The following ZFP1 variants were observed in gnomAD, a reference collection of about 807,000 sequenced individuals.
ZFP1 encodes ZFP1 zinc finger protein.
In ZFP1, 32 loss-of-function variants were observed where a neutral mutation model predicts 38.5. That is an observed-to-expected ratio of 0.83 (90% CI 0.63 to 1.12). The LOEUF (loss-of-function observed/expected upper bound fraction) is 1.12, where lower values mean the gene tolerates loss of function less well. ZFP1 is among the 50% of genes most tolerant of loss of function. The probability of loss-of-function intolerance (pLI) is 0.00; values close to 1 mark genes in which losing one functional copy is unlikely to be tolerated. For synonymous variants in ZFP1, 245 were observed against 168.8 expected, an observed-to-expected ratio of 1.45 and a Z score of -3.50; for missense variants, 616 against 480.8, an observed-to-expected ratio of 1.28 and a Z score of -2.63.
Position 75,170,777 on chromosome 16 carries a change from G to C in ZFP1, c.*443G>C, listed in dbSNP as rs1199136841. ...CTCTGTGATAATTAGGACATAACAA[G>C]ATTTTCCATACTAAACATCACATGT... On this transcript the variant is annotated 3_prime_UTR_variant, in exon 4 of 4. Transcript: ENST00000570010. 4 of 156,166 alleles carry C rather than the reference G, an allele frequency of 2.6e-5. No individual in the cohort carries two copies. The highest frequency in any genetic ancestry group is 5.7e-5 in the Non-Finnish European group (4 of 70,672). 9.7% of individuals were successfully genotyped at this position (156,166 alleles called of 1,614,324 possible).
the ZFP1 span, among the ~76,000 whole-genome samples, chr16:75,133,023 G>T: frequency 6.6e-6 from 1 of 151,246 alleles, no homozygotes; most frequent in African/African-American, 2.4e-5. Context: ...TGTCACCCAG[G>T]CTGGAGTGCA....
rs78679263 is a variant in ZFP1 at position 75,162,603 on chromosome 16, G to C, written c.16-4167G>C. On this transcript the variant is annotated intron_variant, in intron 2 of 3. Coordinates refer to ENST00000570010, the MANE Select transcript of ZFP1 (RefSeq NM_153688.4). ...TATTTTTATGATGGTGACGTTTGGG[G>C]TATGATTGATCATGTCACCAAGTAG... is the stretch of plus-strand genomic sequence containing the variant. Among the ~76,000 whole-genome samples the C allele has an allele frequency of 8.0e-4, 122 of 152,216 alleles. 1 individual carries two copies. The highest frequency in any genetic ancestry group is 2.9e-3 in the African/African-American group (119 of 41,518).
At chr16:75,146,467 G>C (rs1048128330), upstream of ZFP1, among the ~76,000 whole-genome samples, 1 of 151,038 alleles carries the variant, frequency 6.6e-6, no homozygotes, top group South Asian at 2.2e-4. Flanking sequence ...GCACCCGGCC[G>C]CAACCATACG....
the ZFP1 span, among the ~76,000 whole-genome samples, chr16:75,135,682 G>T: frequency 2.0e-5 from 3 of 152,156 alleles, no homozygotes; most frequent in South Asian, 2.1e-4. Flanking sequence ...GGATGTTGAG[G>T]GTGGTGAAAC....
chr16:75,154,807 A>AT (rs1567526089), intron 2 of ZFP1, among the ~76,000 whole-genome samples: 6 of 151,208 alleles, frequency 4.0e-5, no homozygotes, highest in Middle Eastern at 3.4e-3. Context: ...TTTAATTTTT[A>AT]TTTTTTTTGA....
the ZFP1 span, among the ~76,000 whole-genome samples, chr16:75,132,940 T>C: frequency 6.6e-6 from 1 of 151,240 alleles, no homozygotes; most frequent in East Asian, 1.9e-4. Flanking sequence ...ATTACAGGCA[T>C]GAGCCACCAC....
chr16:75,130,701 G>C, the ZFP1 span, among the ~76,000 whole-genome samples: 36 of 152,104 alleles, frequency 2.4e-4, no homozygotes, highest in Non-Finnish European at 5.1e-4. Context: ...CCTGAGGGTG[G>C]CCTGACTTTC....
intron 2 of ZFP1, among the ~76,000 whole-genome samples, chr16:75,165,247 C>G (rs866073677): frequency 3.3e-5 from 5 of 152,162 alleles, no homozygotes; most frequent in African/African-American, 9.7e-5. Context: ...TAGTTAGTTA[C>G]TTACTTGACC....
chr16:75,150,519 C>G (rs1465037815), intron 1 of ZFP1, among the ~76,000 whole-genome samples: 1 of 152,080 alleles, frequency 6.6e-6, no homozygotes, highest in South Asian at 2.1e-4. Flanking sequence ...GCACCCGGCC[C>G]AGATCTTTTT....
chr16:75,154,104 G>T (rs2037349279), intron 2 of ZFP1, among the ~76,000 whole-genome samples: 2 of 152,116 alleles, frequency 1.3e-5, no homozygotes. Context: ...GGCGCCTGTA[G>T]TCCCAGCTAC....
the ZFP1 span, among the ~76,000 whole-genome samples, chr16:75,129,215 C>A: frequency 2.6e-5 from 4 of 152,196 alleles, no homozygotes; most frequent in Non-Finnish European, 4.4e-5. Flanking sequence ...CTTCAGAGGA[C>A]GTGAGACTTC....
intron 2 of ZFP1, among the ~76,000 whole-genome samples, chr16:75,159,524 C>T (rs1298069994): frequency 4.6e-5 from 7 of 151,374 alleles, no homozygotes; most frequent in Non-Finnish European, 1.0e-4. Context: ...CCTCCCACCC[C>T]AGCCTCTTGT....
At chr16:75,146,771 T>G (rs1420618207), upstream of ZFP1, among the ~76,000 whole-genome samples, 1 of 151,828 alleles carries the variant, frequency 6.6e-6, no homozygotes, top group African/African-American at 2.4e-5. Context: ...AAATGCCATC[T>G]CTACAAAAAA....
chr16:75,162,192 A>T (rs903017654), intron 2 of ZFP1, among the ~76,000 whole-genome samples: 2 of 151,420 alleles, frequency 1.3e-5, no homozygotes, highest in African/African-American at 2.4e-5. Flanking sequence ...GTGCAATCTC[A>T]GCTCACTGCA....
chr16:75,153,037 G>T, intron 2 of ZFP1, 71 bp downstream of exon 2: 1 of 1,579,572 alleles, frequency 6.3e-7, no homozygotes, highest in Non-Finnish European at 8.6e-7. Context: ...TCCAGAAAAT[G>T]AAATAGAAAA....
Position 75,169,964 on chromosome 16 carries a change from C to T in ZFP1, c.854C>T (p.Thr285Ile). The change falls in exon 4 of 4, where the codon ACA (threonine) becomes ATA (isoleucine). Residue 285 changes from threonine to isoleucine, a missense_variant. By Grantham distance (89) the Thr-to-Ile change is moderately conservative. Transcript: ENST00000570010. ...KTFAQKFELTTHQRIHTGERP... is the reference protein window; with the variant it reads ...KTFAQKFELTIHQRIHTGERP... ...TTTGCCCAAAAGTTTGAACTCACCA[C>T]ACACCAGAGAATTCATACAGGAGAG... 6.2e-7 allele frequency: 1 copy of T among 1,614,132 alleles called. No individual in the cohort carries two copies. The highest frequency in any genetic ancestry group is 8.5e-7 in the Non-Finnish European group (1 of 1,180,020).
At chr16:75,168,634 C>A (rs868612868) in intron 3 of ZFP1, among the ~76,000 whole-genome samples, 1 of 152,054 alleles carries the variant, frequency 6.6e-6, no homozygotes, top group Admixed American at 6.5e-5. Flanking sequence ...CTGGATTTTA[C>A]CATTTGCAAG....
At chr16:75,164,387 C>T (rs542524947) in intron 2 of ZFP1, among the ~76,000 whole-genome samples, 5 of 152,300 alleles carry the variant, frequency 3.3e-5, no homozygotes, top group Non-Finnish European at 5.9e-5. Context: ...AATTTTTCTT[C>T]CAAACATGGT....
chr16:75,169,817 G>C lies in ZFP1; in HGVS notation c.707G>C (p.Gly236Ala), dbSNP rs768849429. Residue 236 changes from glycine (G) to alanine (A), a missense_variant, in exon 4 of 4, where the codon GGG becomes GCG. Gly to Ala is a moderately conservative substitution (Grantham distance 60). Coordinates refer to ENST00000570010, the MANE Select transcript of ZFP1 (RefSeq NM_153688.4). The part of the protein sequence containing the change: ...NLIKHQRIHT[G>A]EKPFECPECG... ...ATCAAACATCAGAGAATTCACACTG[G>C]GGAGAAACCTTTCGAGTGTCCGGAA... 6.2e-7 allele frequency: 1 copy of C among 1,614,034 alleles called. No individual in the cohort carries two copies. Among genetic ancestry groups the C allele is most frequent in the Non-Finnish European group, 8.5e-7 (1 of 1,179,990 alleles).
Sources: allele counts gnomAD v4.1 joint callset (sites outside exome capture counted in the v4.1 genomes callset), GRCh38; gene constraint gnomAD v4.1.1; transcripts MANE v1.5; gene names NCBI Gene and HGNC (gene_info 2026-07-23, HGNC 2026-07-21).